Variants in IL1RAPL2 observed in about 807,000 individuals in gnomAD.
IL1RAPL2 encodes the protein X-linked interleukin-1 receptor accessory protein-like 2.
A neutral mutation model predicts 44.1 loss-of-function variants in IL1RAPL2; 3 were observed. The observed-to-expected ratio is 0.07, with a 90% CI of 0.03 to 0.18. IL1RAPL2 has a LOEUF of 0.18. IL1RAPL2 is among the 10% of genes least tolerant of loss of function. The probability of loss-of-function intolerance (pLI) is 1.00; values close to 1 mark genes in which losing one functional copy is unlikely to be tolerated. For missense variants in IL1RAPL2, 391 were observed against 496.4 expected (o/e 0.79, Z 2.02); for synonymous variants, 181 against 178.8 (o/e 1.01, Z -0.10).
chrX:105,355,509 A>G (rs2035195186), intron 5 of IL1RAPL2, among the ~76,000 whole-genome samples: 1 of 110,854 alleles, frequency 9.0e-6, no homozygotes, highest in South Asian at 3.8e-4. Flanking sequence ...TTACCATAGC[A>G]CTCACCACAT....
intron 2 of IL1RAPL2, among the ~76,000 whole-genome samples, chrX:105,145,601 A>G (rs2033172570): frequency 9.0e-6 from 1 of 111,683 alleles, no homozygotes; most frequent in Non-Finnish European, 1.9e-5. Flanking sequence ...TAATCCCAGC[A>G]TGGCCACTTA....
At chrX:105,428,177 T>C (rs1420295219) in intron 5 of IL1RAPL2, among the ~76,000 whole-genome samples, 1 of 111,502 alleles carries the variant, frequency 9.0e-6, no homozygotes, top group African/African-American at 3.3e-5. Context: ...TAAATTGAAC[T>C]ATCAAGTATT....
intron 3 of IL1RAPL2, among the ~76,000 whole-genome samples, chrX:105,230,773 A>G (rs781951752): frequency 9.0e-5 from 10 of 111,347 alleles, no homozygotes; most frequent in African/African-American, 3.3e-4. Flanking sequence ...TCTTATCCTC[A>G]TGTTTCAGGT....
chrX:105,073,343 C>T (rs1190629751), intron 2 of IL1RAPL2, among the ~76,000 whole-genome samples: 1 of 106,407 alleles, frequency 9.4e-6, no homozygotes, highest in Non-Finnish European at 1.9e-5. Flanking sequence ...TGGTTTCCAG[C>T]TTCATCCGTG....
At chrX:105,200,932 C>T (rs1354800211) in intron 3 of IL1RAPL2, among the ~76,000 whole-genome samples, 1 of 111,401 alleles carries the variant, frequency 9.0e-6, no homozygotes, top group Non-Finnish European at 1.9e-5. Context: ...CACACACACA[C>T]ACACACAAAA....
At chrX:104,708,849 C>A (rs1209251563) in intron 2 of IL1RAPL2, among the ~76,000 whole-genome samples, 2 of 110,916 alleles carry the variant, frequency 1.8e-5, no homozygotes, top group East Asian at 2.9e-4. Flanking sequence ...TAGTTTCTCT[C>A]TGGCTTCTAG....
intron 5 of IL1RAPL2, among the ~76,000 whole-genome samples, chrX:105,355,779 C>T (rs184158109): frequency 9.0e-6 from 1 of 111,684 alleles, no homozygotes; most frequent in Admixed American, 9.6e-5. Context: ...TTTATAATTA[C>T]TACCATTTTA....
At chrX:105,680,380 A>T (rs2037914066) in intron 6 of IL1RAPL2, among the ~76,000 whole-genome samples, 1 of 112,349 alleles carries the variant, frequency 8.9e-6, no homozygotes, top group African/African-American at 3.2e-5. Flanking sequence ...CTCATCTGTA[A>T]GTCTGAGAAC....
At chrX:104,882,704 C>A (rs1923104133) in intron 2 of IL1RAPL2, among the ~76,000 whole-genome samples, 1 of 111,862 alleles carries the variant, frequency 8.9e-6, no homozygotes, top group Non-Finnish European at 1.9e-5. Context: ...GCTGGCCACC[C>A]AAGCCAGCAG....
At chrX:104,802,370 A>T (rs1401985061) in intron 2 of IL1RAPL2, among the ~76,000 whole-genome samples, 2 of 105,767 alleles carry the variant, frequency 1.9e-5, no homozygotes, top group African/African-American at 6.9e-5. Context: ...CAAAACAAAT[A>T]AAAAAAAAAG....
chrX:105,417,184 A>G (rs1451734971), intron 5 of IL1RAPL2, among the ~76,000 whole-genome samples: 1 of 112,768 alleles, frequency 8.9e-6, no homozygotes, highest in East Asian at 2.8e-4. Context: ...TAAGATTTAT[A>G]TGAAGTAGGC....
chrX:105,615,264 AGTTTGGGG>A (rs199592357), intron 6 of IL1RAPL2, among the ~76,000 whole-genome samples: 5,939 of 111,432 alleles, frequency 0.053, 180 homozygotes, highest in Non-Finnish European at 0.087. Context: ...TATGAAGAAC[AGTTTGGGG>A]GTTTCTCAAT....
chrX:104,933,183 G>A (rs1248939424), intron 2 of IL1RAPL2, among the ~76,000 whole-genome samples: 1 of 111,450 alleles, frequency 9.0e-6, no homozygotes, highest in Non-Finnish European at 1.9e-5. Flanking sequence ...ACGAGTTGAT[G>A]GGTACAGCAA....
chrX:104,600,071 C>T (rs1928850055), intron 1 of IL1RAPL2, among the ~76,000 whole-genome samples: 1 of 111,543 alleles, frequency 9.0e-6, no homozygotes, highest in South Asian at 3.8e-4. Flanking sequence ...GGGAGTGATG[C>T]GATGATGGAA....
chrX:105,575,254 G>A (rs764949581), intron 6 of IL1RAPL2, among the ~76,000 whole-genome samples: 2 of 110,343 alleles, frequency 1.8e-5, no homozygotes, highest in South Asian at 7.8e-4. Context: ...TGGGGGCTTG[G>A]TGTACAGATT....
chrX:105,741,923 G>A (rs772708919), intron 8 of IL1RAPL2, among the ~76,000 whole-genome samples: 36 of 111,429 alleles, frequency 3.2e-4, no homozygotes, highest in African/African-American at 1.2e-3. Context: ...TGACCAAACA[G>A]TCTTTATTAT....
chrX:104,891,260 TG>T (rs1346628687), intron 2 of IL1RAPL2, among the ~76,000 whole-genome samples: 2 of 111,867 alleles, frequency 1.8e-5, no homozygotes, highest in Non-Finnish European at 3.8e-5. Flanking sequence ...TCTTTTGGCT[TG>T]GGATTGTCTT....
chrX:104,604,368 A>G (rs1443503329), intron 1 of IL1RAPL2, among the ~76,000 whole-genome samples: 1 of 111,326 alleles, frequency 9.0e-6, no homozygotes, highest in Non-Finnish European at 1.9e-5. Context: ...AATTGTAAAG[A>G]CCATCAACAC....
intron 2 of IL1RAPL2, among the ~76,000 whole-genome samples, chrX:104,808,866 C>A (rs1022413466): frequency 1.8e-5 from 2 of 111,455 alleles, no homozygotes; most frequent in Non-Finnish European, 3.8e-5. Context: ...AGGACTGGGA[C>A]TTGGGTGAGA....
Sources: gnomAD v4.1 joint callset for allele counts (sites outside exome capture counted in the v4.1 genomes callset) on GRCh38, gnomAD v4.1.1 for gene constraint, MANE v1.5 for transcripts, NCBI Gene and HGNC (gene_info 2026-07-23, HGNC 2026-07-21) for gene names.